The following ZNF613 variants were observed in gnomAD, a reference collection of about 807,000 sequenced individuals.
ZNF613 encodes the protein zinc finger protein 613.
Under a neutral mutation model 14.3 loss-of-function variants are expected in ZNF613, and 8 were observed. That is an observed-to-expected ratio of 0.56 (90% CI 0.33 to 1.01). The LOEUF is 1.01. Among genes scored for constraint, ZNF613 ranks in the 50% least tolerant of loss-of-function variants. ZNF613 has a pLI of 0.03. For missense variants in ZNF613, 656 were observed against 741.9 expected, an observed-to-expected ratio of 0.88 and a Z score of 1.35; for synonymous variants, 228 against 254.5, an observed-to-expected ratio of 0.90 and a Z score of 0.99.
intron 4 of ZNF613, 61 bp downstream of exon 4, chr19:51,940,396 G>A: frequency 6.2e-7 from 1 of 1,611,872 alleles, no homozygotes; most frequent in African/African-American, 1.3e-5. Context: ...TGCTTTCTCA[G>A]CTTTCAAAAG....
At chr19:51,944,055 G>C in intron 5 of ZNF613, 64 bp from the exon 6 acceptor site, 1 of 1,409,904 alleles carries the variant, frequency 7.1e-7, no homozygotes, top group East Asian at 2.4e-5. Flanking sequence ...GCCTGTACAA[G>C]ACTGTTTGTG....
chr19:51,928,662 A>T (rs908354022), intron 1 of ZNF613, among the ~76,000 whole-genome samples: 5 of 152,088 alleles, frequency 3.3e-5, no homozygotes, highest in Non-Finnish European at 5.9e-5. Flanking sequence ...GAAGTTGGAG[A>T]TCAGCCTGAA....
intron 1 of ZNF613, 100 bp downstream of exon 1, chr19:51,927,640 G>A (rs1325897009): frequency 6.5e-6 from 1 of 153,210 alleles, no homozygotes; most frequent in Non-Finnish European, 1.5e-5. Flanking sequence ...GCGGGAGCAA[G>A]TGGGAGTCGG....
rs1269853620 is a variant in ZNF613 at position 51,943,160 on chromosome 19, A to G, written c.236-959A>G. ...AAGCCTGAAGTCCACTTGGGAGGCT[A>G]TTGCTATAGTACCAGAAAGAGTGAT... On this transcript the variant is annotated intron_variant, in intron 5 of 5. Coordinates refer to ENST00000293471, the MANE Select transcript of ZNF613 (RefSeq NM_001031721.4). Among the ~76,000 whole-genome samples, 3 of 152,326 alleles carry G rather than the reference A, an allele frequency of 2.0e-5. No individual in the cohort carries two copies. The East Asian group carries it at 5.8e-4, about 29-fold the overall frequency.
chr19:51,946,477 A>T lies in ZNF613; in HGVS notation c.*740A>T, dbSNP rs1367904574. 6.6e-6 allele frequency: 1 copy of T among 152,222 alleles called. No homozygotes were observed. The highest frequency in any genetic ancestry group is 1.5e-5 in the Non-Finnish European group (1 of 68,038). The allele number at this position is 152,222 out of a possible 1,614,324, so 9.4% of individuals were successfully genotyped here. The stretch of plus-strand genomic sequence containing the variant: ...TAGCTCTTGTGTTTCTTTGATTCCA[A>T]ATTTCTTCACTTGTTATTTCAGACT... On this transcript the variant is annotated 3_prime_UTR_variant, in exon 6 of 6. Transcript: ENST00000293471.
chr19:51,940,551 G>T (rs1435570087), intron 4 of ZNF613, 66 bp from the exon 5 acceptor site: 16 of 1,534,764 alleles, frequency 1.0e-5, no homozygotes, highest in Middle Eastern at 1.8e-4. Context: ...ACAGAACATG[G>T]TCCCATGTTG....
At chr19:51,934,865 AGGAATGTTAGATCATTTG>A (rs1379778327) in intron 2 of ZNF613, among the ~76,000 whole-genome samples, 1 of 152,204 alleles carries the variant, frequency 6.6e-6, no homozygotes, top group Non-Finnish European at 1.5e-5. Context: ...CCTCCTGCCC[AGGAATGTTAGATCATTTG>A]GGTTCTGCAC....
Position 51,944,166 on chromosome 19 carries a change from A to T in ZNF613, c.283A>T (p.Arg95Ter). 1 of 1,554,952 alleles carries T rather than the reference A, an allele frequency of 6.4e-7. No individual in the cohort carries two copies. Among genetic ancestry groups the T allele is most frequent in the Non-Finnish European group, 8.7e-7 (1 of 1,151,118 alleles). The change falls in exon 6 of 6, where the codon AGA (arginine) becomes TGA (stop). Residue 95 changes from arginine (R) to a stop codon, truncating the protein, a stop_gained. Coordinates refer to ENST00000293471, the MANE Select transcript of ZNF613 (RefSeq NM_001031721.4). LOFTEE classifies it low-confidence loss of function (END_TRUNC). ...TCTACAGATGCACTCACAAAAGCAA[A>T]GATGTCTGAAGAGAGTGGAACAATG... ...NHLQMHSQKQRCLKRVEQCHK... is the reference protein window; with the variant it reads ...NHLQMHSQKQ
intron 1 of ZNF613, among the ~76,000 whole-genome samples, chr19:51,928,788 T>C (rs763777792): frequency 4.1e-5 from 6 of 148,100 alleles, no homozygotes; most frequent in Non-Finnish European, 8.9e-5. Flanking sequence ...CCGGGAGTTC[T>C]AGGCTGCAGT....
intron 1 of ZNF613, 60 bp downstream of exon 1, chr19:51,927,600 T>A (rs2085225061): frequency 6.6e-6 from 1 of 152,592 alleles, no homozygotes; most frequent in Non-Finnish European, 1.5e-5. Context: ...GGCGTCCGTT[T>A]AGTGCGGAGC....
intron 5 of ZNF613, among the ~76,000 whole-genome samples, 180 bp downstream of exon 5, chr19:51,940,889 G>A (rs115173484): frequency 0.012 from 1,778 of 152,086 alleles, 35 homozygotes; most frequent in African/African-American, 0.04. Context: ...CTTCGTTATC[G>A]CGTCTTGGAT....
intron 5 of ZNF613, among the ~76,000 whole-genome samples, chr19:51,943,834 A>G (rs936310564): frequency 6.6e-6 from 1 of 152,242 alleles, no homozygotes; most frequent in Admixed American, 6.5e-5. Context: ...AGACAAACAT[A>G]CAAATGAAAG....
At position 51,945,654 on chromosome 19, in the gene ZNF613, C is replaced by T. The variant is rs144750862; in HGVS notation, c.1771C>T (p.Gln591Ter). The T allele has an allele frequency of 6.8e-6, 11 of 1,614,122 alleles. No individual in the cohort carries two copies. Among genetic ancestry groups the T allele is most frequent in the Admixed American group, 1.7e-5 (1 of 60,008 alleles). The change falls in exon 6 of 6, where the codon CAA becomes TAA. Residue 591 changes from glutamine (Q) to a stop codon, truncating the protein, a stop_gained. Transcript: ENST00000293471. LOFTEE classifies it low-confidence loss of function (END_TRUNC). Reference protein sequence around the residue: ...AQTSLTNSAFQAESKVAIVSQ... With the variant: ...AQTSLTNSAF ...GACCTCATTAACTAACAGTGCGTTC[C>T]AAGCAGAGAGCAAAGTAGCCATTGT...
At chr19:51,933,782 T>TTTG (rs898805539) in intron 2 of ZNF613, among the ~76,000 whole-genome samples, 5 of 152,052 alleles carry the variant, frequency 3.3e-5, no homozygotes, top group African/African-American at 9.7e-5. Flanking sequence ...AAGTCACCAT[T>TTTG]TTGTTGTTGT....
At position 51,945,415 on chromosome 19, in the gene ZNF613, C is replaced by T. The variant is rs781246593; in HGVS notation, c.1532C>T (p.Pro511Leu). ...RHRRTHTGER[P>L]YGCSDCGKAF... The stretch of plus-strand genomic sequence containing the variant: ...CGGAGAACTCATACAGGGGAGAGAC[C>T]GTATGGATGCTCTGATTGTGGGAAA... The change falls in exon 6 of 6, where the codon CCG becomes CTG. Residue 511 changes from proline (P) to leucine (L), a missense_variant. Pro to Leu is a moderately conservative substitution (Grantham distance 98). Transcript: ENST00000293471. 39 of 1,613,534 alleles carry T rather than the reference C, an allele frequency of 2.4e-5. No homozygotes were observed. The highest frequency in any genetic ancestry group is 3.0e-5 in the Non-Finnish European group (35 of 1,179,718).
chr19:51,928,074 T>A (rs1253891520), intron 1 of ZNF613: 1 of 151,834 alleles, frequency 6.6e-6, no homozygotes, highest in Non-Finnish European at 1.5e-5. Flanking sequence ...TCTATCTATC[T>A]ATCTAATTTA....
Position 51,945,894 on chromosome 19 carries a change from G to T in ZNF613, c.*157G>T. On this transcript the variant is annotated 3_prime_UTR_variant, in exon 6 of 6. Coordinates refer to ENST00000293471, the MANE Select transcript of ZNF613 (RefSeq NM_001031721.4). ...GCATATACTCAGAGAAAAATAGTAT[G>T]AAGTGGAGACTGGGAAATTCTTTTA... 1 of 753,814 alleles carries T rather than the reference G, an allele frequency of 1.3e-6. No individual in the cohort carries two copies. Among genetic ancestry groups the T allele is most frequent in the Non-Finnish European group, 2.1e-6 (1 of 475,260 alleles). The allele number at this position is 753,814 out of a possible 1,614,324, so 46.7% of individuals were successfully genotyped here.
At chr19:51,944,058 T>C in intron 5 of ZNF613, 61 bp from the exon 6 acceptor site, 1 of 1,426,864 alleles carries the variant, frequency 7.0e-7, no homozygotes, top group Non-Finnish European at 9.3e-7. Flanking sequence ...TGTACAAGAC[T>C]GTTTGTGAAA....
At chr19:51,936,511 C>G (rs760834854) in intron 3 of ZNF613, among the ~76,000 whole-genome samples, 21 of 152,072 alleles carry the variant, frequency 1.4e-4, no homozygotes, top group Non-Finnish European at 2.6e-4. Context: ...TTGTTTGAGA[C>G]AGGGTCTCAC....
Sources: allele counts gnomAD v4.1 joint callset (sites outside exome capture counted in the v4.1 genomes callset), GRCh38; gene constraint gnomAD v4.1.1; transcripts MANE v1.5; gene names NCBI Gene and HGNC (gene_info 2026-07-23, HGNC 2026-07-21).